The following FLACC1 variants were observed in gnomAD, a reference collection of about 807,000 sequenced individuals.
FLACC1 encodes the protein flagellum associated containing coiled-coil domains 1.
A neutral mutation model predicts 62.8 loss-of-function variants in FLACC1; 66 were observed. The observed-to-expected ratio is 1.05, with a 90% confidence interval of 0.86 to 1.29. The LOEUF is 1.29. FLACC1 is among the 50% of genes most tolerant of loss of function. The probability of loss-of-function intolerance (pLI) is 0.00; values close to 1 mark genes in which losing one functional copy is unlikely to be tolerated. For synonymous variants in FLACC1, 156 were observed against 161.0 expected (o/e 0.97, Z 0.24); for missense variants, 452 against 489.1 (o/e 0.92, Z 0.71).
At chr2:201,343,083 C>T (rs1302047516) in intron 6 of FLACC1, among the ~76,000 whole-genome samples, 1 of 152,148 alleles carries the variant, frequency 6.6e-6, no homozygotes, top group Non-Finnish European at 1.5e-5. Flanking sequence ...GGGACTGTGT[C>T]ACACAACAAG....
At chr2:201,315,058 C>A (rs1227166863) in intron 9 of FLACC1, among the ~76,000 whole-genome samples, 1 of 152,050 alleles carries the variant, frequency 6.6e-6, no homozygotes, top group African/African-American at 2.4e-5. Flanking sequence ...GAAACAAATC[C>A]TGGAAACACA....
chr2:201,321,348 C>A (rs1323402830), intron 9 of FLACC1, among the ~76,000 whole-genome samples: 1 of 152,112 alleles, frequency 6.6e-6, no homozygotes, highest in Non-Finnish European at 1.5e-5. Flanking sequence ...AAGAGAACAC[C>A]CTGTGGGAGA....
At chr2:201,298,547 T>A (rs949758005) in intron 12 of FLACC1, among the ~76,000 whole-genome samples, 2 of 152,214 alleles carry the variant, frequency 1.3e-5, no homozygotes, top group Admixed American at 6.5e-5. Flanking sequence ...TATAATACAC[T>A]GGGTATATCT....
intron 9 of FLACC1, among the ~76,000 whole-genome samples, chr2:201,309,821 C>T (rs563374922): frequency 1.1e-3 from 162 of 146,186 alleles, no homozygotes; most frequent in Admixed American, 2.5e-3. Context: ...GCAGGAGACT[C>T]GCTTGAACCT....
In FLACC1 at chr2:201,330,574, TTTCAAA is replaced by T. The variant is rs756260399; in HGVS notation, c.623-58_623-53del. 68 of 1,593,484 alleles carry T rather than the reference TTTCAAA, an allele frequency of 4.3e-5. No homozygotes were observed. In the South Asian group the frequency reaches 6.9e-4, roughly 16 times the overall value. ...ATCATTAGTCTTCTGATATGCACAT[TTTCAAA>T]TTCAAATGTGAGTTCTTCTGCACAC... is the stretch of plus-strand genomic sequence containing the variant. On this transcript the variant is annotated intron_variant, in intron 8 of 14. Transcript: ENST00000392257.
upstream of FLACC1, among the ~76,000 whole-genome samples, chr2:201,360,120 C>T (rs971622496): frequency 3.3e-5 from 5 of 152,134 alleles, no homozygotes; most frequent in East Asian, 5.8e-4. Flanking sequence ...AGTAAAGCTT[C>T]GCCAGTTCCA....
Position 201,288,696 on chromosome 2 carries a change from C to G in FLACC1, c.1228G>C (p.Asp410His), listed in dbSNP as rs756895821. Residue 410 changes from aspartate to histidine, a missense_variant, in exon 15 of 15, where the codon GAC becomes CAC. By Grantham distance (81) the Asp-to-His change is moderately conservative. Coordinates refer to ENST00000392257, the MANE Select transcript of FLACC1 (RefSeq NM_001127391.3). ...ASITVSKDDSDTVQDGSKKGQ... is the reference protein window; with the variant it reads ...ASITVSKDDSHTVQDGSKKGQ... ...TTCTTGCTACCATCTTGCACAGTGT[C>G]AGAATCATCCTTAGAAACAGTAATA... The G allele has an allele frequency of 5.0e-6, 8 of 1,614,070 alleles. No individual in the cohort carries two copies. The highest frequency in any genetic ancestry group is 5.9e-6 in the Non-Finnish European group (7 of 1,180,014).
chr2:201,355,613 A>T (rs989915497), intron 1 of FLACC1, among the ~76,000 whole-genome samples: 1 of 152,074 alleles, frequency 6.6e-6, no homozygotes, highest in Admixed American at 6.5e-5. Flanking sequence ...TAATCCCAAC[A>T]CTTTGAGAGA....
chr2:201,324,511 A>G (rs1950466025), intron 9 of FLACC1, among the ~76,000 whole-genome samples: 1 of 152,226 alleles, frequency 6.6e-6, no homozygotes, highest in African/African-American at 2.4e-5. Context: ...AAATGAACAT[A>G]ACAGCTATTT....
At chr2:201,337,863 A>AT (rs1016961534) in intron 7 of FLACC1, among the ~76,000 whole-genome samples, 1 of 152,080 alleles carries the variant, frequency 6.6e-6, no homozygotes, top group South Asian at 2.1e-4. Context: ...ATAACTCCAG[A>AT]TTTTTTTTCC....
chr2:201,296,851 G>A (rs1021593946), intron 12 of FLACC1, among the ~76,000 whole-genome samples: 6 of 152,218 alleles, frequency 3.9e-5, no homozygotes, highest in East Asian at 3.9e-4. Context: ...GTGAATGCAC[G>A]TATCTTACTG....
chr2:201,314,938 G>A (rs1950281658), intron 9 of FLACC1, among the ~76,000 whole-genome samples: 1 of 152,112 alleles, frequency 6.6e-6, no homozygotes, highest in African/African-American at 2.4e-5. Flanking sequence ...GCAAAACCAA[G>A]CTTCATAAAT....
intron 3 of FLACC1, among the ~76,000 whole-genome samples, chr2:201,348,659 C>G (rs6710974): frequency 6.6e-6 from 1 of 151,122 alleles, no homozygotes; most frequent in Admixed American, 6.6e-5. Context: ...AACGGGCACA[C>G]ACACACTCAG....
chr2:201,297,970 C>T (rs934705571), intron 12 of FLACC1, among the ~76,000 whole-genome samples: 2 of 152,102 alleles, frequency 1.3e-5, no homozygotes, highest in African/African-American at 4.8e-5. Flanking sequence ...ACATCAAAGA[C>T]CCCCAGGTAG....
chr2:201,293,048 C>T (rs1309690189), intron 12 of FLACC1, among the ~76,000 whole-genome samples: 1 of 152,124 alleles, frequency 6.6e-6, no homozygotes, highest in African/African-American at 2.4e-5. Context: ...TACAAAAAGA[C>T]TTAGACTCCC....
intron 4 of FLACC1, among the ~76,000 whole-genome samples, chr2:201,347,809 AG>A (rs1035377741): frequency 4.6e-5 from 7 of 152,212 alleles, no homozygotes; most frequent in African/African-American, 7.2e-5. Flanking sequence ...CCACACTCCC[AG>A]GCAGGCGTCA....
intron 12 of FLACC1, among the ~76,000 whole-genome samples, chr2:201,291,248 C>T (rs994046296): frequency 6.6e-6 from 1 of 152,216 alleles, no homozygotes; most frequent in Non-Finnish European, 1.5e-5. Flanking sequence ...TCCCTGACCC[C>T]TGAGTAGCCT....
chr2:201,345,522 C>T (rs549506731), intron 5 of FLACC1, among the ~76,000 whole-genome samples: 21 of 150,596 alleles, frequency 1.4e-4, no homozygotes, highest in Admixed American at 6.6e-4. Flanking sequence ...GTCTTTTAGA[C>T]TTGTGTGTTG....
At chr2:201,359,209 C>T (rs1410796105), upstream of FLACC1, among the ~76,000 whole-genome samples, 1 of 152,102 alleles carries the variant, frequency 6.6e-6, no homozygotes, top group Non-Finnish European at 1.5e-5. Context: ...ATTGAGTTGA[C>T]CGTGGTGCCA....
Sources: gnomAD v4.1 joint callset for allele counts (sites outside exome capture counted in the v4.1 genomes callset) on GRCh38, gnomAD v4.1.1 for gene constraint, MANE v1.5 for transcripts, NCBI Gene and HGNC (gene_info 2026-07-23, HGNC 2026-07-21) for gene names.